LRMDA: variants seen among roughly 807,000 people sequenced by gnomAD.
LRMDA encodes leucine-rich melanocyte differentiation-associated protein.
A neutral mutation model predicts 29.8 loss-of-function variants in LRMDA; 18 were observed. The ratio of observed to expected loss-of-function variants is 0.60; its 90% confidence interval spans 0.42 to 0.90. LRMDA has a LOEUF of 0.90. Among genes scored for constraint, LRMDA ranks in the 40% least tolerant of loss-of-function variants. The pLI is 0.00. For missense variants in LRMDA, 273 were observed against 273.9 expected (o/e 1.00, Z 0.02); for synonymous variants, 125 against 109.4 (o/e 1.14, Z -0.89).
chr10:76,125,201 A>G (rs934872491), intron 5 of LRMDA, among the ~76,000 whole-genome samples: 2 of 152,200 alleles, frequency 1.3e-5, no homozygotes, highest in African/African-American at 2.4e-5. Flanking sequence ...GCTGACTGCA[A>G]TAGAAATCGC....
intron 6 of LRMDA, among the ~76,000 whole-genome samples, chr10:76,334,043 G>A (rs1399741874): frequency 2.6e-5 from 4 of 152,196 alleles, no homozygotes; most frequent in African/African-American, 7.2e-5. Flanking sequence ...ATGTAGTGGA[G>A]CTGTGGCAGC....
chr10:75,786,554 A>G (rs1344623318), intron 2 of LRMDA, among the ~76,000 whole-genome samples: 2 of 151,964 alleles, frequency 1.3e-5, no homozygotes, highest in African/African-American at 4.8e-5. Flanking sequence ...TATATGGAAT[A>G]TATTCTTTCT....
At chr10:75,587,116 A>G (rs189926049) in intron 2 of LRMDA, among the ~76,000 whole-genome samples, 63 of 152,232 alleles carry the variant, frequency 4.1e-4, no homozygotes, top group African/African-American at 1.1e-3. Context: ...TGGCTCTTAC[A>G]TTTCAATCTA....
chr10:76,322,626 G>A (rs1226883734), intron 5 of LRMDA, among the ~76,000 whole-genome samples: 1 of 152,194 alleles, frequency 6.6e-6, no homozygotes, highest in Non-Finnish European at 1.5e-5. Context: ...GGTAGCATTT[G>A]TTCCAGTAAT....
chr10:75,579,755 G>A (rs1310338615), intron 2 of LRMDA, among the ~76,000 whole-genome samples: 1 of 152,176 alleles, frequency 6.6e-6, no homozygotes, highest in Admixed American at 6.5e-5. Flanking sequence ...AGGGATGCAA[G>A]GCTAGTTCAA....
At chr10:75,595,650 A>C (rs1840777195) in intron 2 of LRMDA, among the ~76,000 whole-genome samples, 1 of 150,496 alleles carries the variant, frequency 6.6e-6, no homozygotes. Flanking sequence ...TCAGAAATTA[A>C]GAGTGAAAAT....
rs920149057 is a variant in LRMDA at position 75,791,960 on chromosome 10, C to T, written c.132-244048C>T. ...CTGCAAGCTCTGCCTCCCAGGTTCA[C>T]GCCATTCTCCTGCCTCAGCCTCTTG... On this transcript the variant is annotated intron_variant, in intron 2 of 6. Transcript: ENST00000611255. Among the ~76,000 whole-genome samples, 58 of 148,270 alleles carry T rather than the reference C, an allele frequency of 3.9e-4. 1 individual carries two copies. The highest frequency in any genetic ancestry group is 1.1e-3 in the South Asian group (5 of 4,550).
intron 5 of LRMDA, among the ~76,000 whole-genome samples, chr10:76,294,947 G>T (rs1840393672): frequency 6.6e-6 from 1 of 152,194 alleles, no homozygotes; most frequent in South Asian, 2.1e-4. Flanking sequence ...CTAGGTTCAG[G>T]TCAGAGGTTC....
intron 5 of LRMDA, among the ~76,000 whole-genome samples, chr10:76,136,521 A>G (rs1850097330): frequency 6.6e-6 from 1 of 152,174 alleles, no homozygotes; most frequent in Non-Finnish European, 1.5e-5. Flanking sequence ...CTATTACCTA[A>G]TATGTGCAAA....
At chr10:76,403,840 C>G (rs1311574248) in intron 6 of LRMDA, among the ~76,000 whole-genome samples, 2 of 152,142 alleles carry the variant, frequency 1.3e-5, no homozygotes, top group African/African-American at 2.4e-5. Context: ...AAGTAATCCA[C>G]TGGGTTGTGA....
At chr10:75,742,172 T>C (rs1437631242) in intron 2 of LRMDA, among the ~76,000 whole-genome samples, 2 of 152,228 alleles carry the variant, frequency 1.3e-5, no homozygotes, top group African/African-American at 4.8e-5. Flanking sequence ...CTCTGTAAGA[T>C]GCACGTTCCT....
intron 2 of LRMDA, among the ~76,000 whole-genome samples, chr10:75,992,905 A>G (rs962248551): frequency 2.0e-5 from 3 of 151,958 alleles, no homozygotes. Flanking sequence ...TTGTCTGCCT[A>G]TTGGCTTTTA....
chr10:75,597,558 A>T (rs1030250988), intron 2 of LRMDA, among the ~76,000 whole-genome samples: 2 of 152,182 alleles, frequency 1.3e-5, no homozygotes, highest in African/African-American at 2.4e-5. Flanking sequence ...GAGAGAAAAA[A>T]GGTGTGGTAA....
In LRMDA at chr10:76,073,853, T is replaced by C. The variant is rs73281569; in HGVS notation, c.516+15070T>C. ...TTCTAGAAGCAAGGCTTAGATTCTG[T>C]ACAAAGCATGCATTGACCTGCTAAG... On this transcript the variant is annotated intron_variant, in intron 5 of 6. Transcript: ENST00000611255. 5.8e-3 allele frequency among the ~76,000 whole-genome samples: 886 copies of C among 152,320 alleles called. 4 individuals are homozygous for C. Among genetic ancestry groups the C allele is most frequent in the African/African-American group, 0.02 (850 of 41,584 alleles).
At chr10:76,538,901 A>G (rs780257130) in intron 6 of LRMDA, among the ~76,000 whole-genome samples, 41 of 152,098 alleles carry the variant, frequency 2.7e-4, no homozygotes, top group Non-Finnish European at 4.6e-4. Context: ...TAGTTCCACA[A>G]ATGTACAAAG....
intron 2 of LRMDA, among the ~76,000 whole-genome samples, chr10:75,446,582 C>T (rs949703520): frequency 3.3e-5 from 5 of 152,176 alleles, no homozygotes; most frequent in Admixed American, 3.3e-4. Context: ...GATCATCAGT[C>T]TTGGGTTCTG....
At chr10:76,052,394 T>C (rs1470893538) in intron 4 of LRMDA, among the ~76,000 whole-genome samples, 1 of 152,150 alleles carries the variant, frequency 6.6e-6, no homozygotes, top group Non-Finnish European at 1.5e-5. Context: ...TCTGAGCTTT[T>C]CTGTGGTTGT....
intron 5 of LRMDA, among the ~76,000 whole-genome samples, chr10:76,282,475 A>G (rs759043535): frequency 6.6e-6 from 1 of 152,172 alleles, no homozygotes; most frequent in African/African-American, 2.4e-5. Flanking sequence ...CCCACGATCC[A>G]TAGCCTGCCA....
intron 2 of LRMDA, among the ~76,000 whole-genome samples, chr10:75,674,278 A>G (rs982521539): frequency 5.3e-5 from 8 of 152,168 alleles, no homozygotes; most frequent in African/African-American, 1.9e-4. Context: ...CAGGGAGCAG[A>G]TTTTAGGAAC....
Sources: gnomAD v4.1 joint callset for allele counts (sites outside exome capture counted in the v4.1 genomes callset) on GRCh38, gnomAD v4.1.1 for gene constraint, MANE v1.5 for transcripts, NCBI Gene and HGNC (gene_info 2026-07-23, HGNC 2026-07-21) for gene names.